FAM110B: variants seen among roughly 807,000 people sequenced by gnomAD.
FAM110B encodes family with sequence similarity 110 member B, also known as protein FAM110B.
FAM110B carries 6 observed loss-of-function variants against 20.4 expected under a neutral mutation model. The observed-to-expected ratio is 0.29, with a 90% CI of 0.16 to 0.58. FAM110B has a LOEUF of 0.58. FAM110B is among the 20% of genes least tolerant of loss of function. The pLI, the probability that FAM110B is intolerant of heterozygous loss-of-function variation, is 0.90. For missense variants in FAM110B, 434 were observed against 498.2 expected (o/e 0.87, Z 1.23); for synonymous variants, 226 against 214.1 (o/e 1.06, Z -0.49).
intron 3 of FAM110B, among the ~76,000 whole-genome samples, chr8:58,128,360 A>T (rs1807564685): frequency 6.6e-6 from 1 of 152,032 alleles, no homozygotes; most frequent in South Asian, 2.1e-4. Flanking sequence ...TTTCATCAGG[A>T]TTCTCACATC....
chr8:58,075,106 T>C (rs552459463), intron 2 of FAM110B, among the ~76,000 whole-genome samples: 30 of 152,054 alleles, frequency 2.0e-4, no homozygotes, highest in Admixed American at 2.0e-3. Context: ...TTGATCAGTT[T>C]CTATTTTTAT....
chr8:58,009,927 T>G (rs763551305), intron 1 of FAM110B, among the ~76,000 whole-genome samples: 1 of 152,190 alleles, frequency 6.6e-6, no homozygotes, highest in Non-Finnish European at 1.5e-5. Context: ...TATTTGGATT[T>G]CCGTAACTCA....
At chr8:58,131,477 C>T (rs1388650748) in intron 3 of FAM110B, among the ~76,000 whole-genome samples, 1 of 152,152 alleles carries the variant, frequency 6.6e-6, no homozygotes, top group Non-Finnish European at 1.5e-5. Context: ...GTTCTGCTTA[C>T]CAGCCTCTAA....
intron 3 of FAM110B, among the ~76,000 whole-genome samples, chr8:58,093,437 G>A (rs926261823): frequency 5.3e-5 from 8 of 152,140 alleles, no homozygotes; most frequent in Non-Finnish European, 2.9e-5. Flanking sequence ...AAGGTGTAAG[G>A]AAGGGGTCCA....
chr8:58,015,844 C>CA (rs11318984), intron 1 of FAM110B, among the ~76,000 whole-genome samples: 1,576 of 101,340 alleles, frequency 0.016, 32 homozygotes, highest in African/African-American at 0.044. Context: ...GACTTTGTCT[C>CA]AAAAAAAAAA....
intron 2 of FAM110B, among the ~76,000 whole-genome samples, chr8:58,057,102 C>T (rs973109976): frequency 1.3e-5 from 2 of 152,154 alleles, no homozygotes; most frequent in Non-Finnish European, 2.9e-5. Context: ...ACACCATGGC[C>T]GAGGGGTGAG....
chr8:58,127,146 G>T (rs376541345), intron 3 of FAM110B, among the ~76,000 whole-genome samples: 16 of 152,266 alleles, frequency 1.1e-4, no homozygotes, highest in African/African-American at 3.6e-4. Context: ...AGCACCATTT[G>T]TTGAAAAGTC....
intron 3 of FAM110B, among the ~76,000 whole-genome samples, chr8:58,079,173 T>C (rs1366852264): frequency 2.6e-5 from 4 of 152,080 alleles, no homozygotes; most frequent in Non-Finnish European, 4.4e-5. Flanking sequence ...TCTGAGGCCA[T>C]CTCAGCTGAC....
At chr8:58,142,907 A>G (rs905215592) in intron 3 of FAM110B, among the ~76,000 whole-genome samples, 1 of 152,202 alleles carries the variant, frequency 6.6e-6, no homozygotes, top group Admixed American at 6.5e-5. Flanking sequence ...CGGTTGGCCT[A>G]TCCCATCAGT....
At chr8:58,131,269 G>A in intron 3 of FAM110B, among the ~76,000 whole-genome samples, 1 of 151,926 alleles carries the variant, frequency 6.6e-6, no homozygotes, top group Non-Finnish European at 1.5e-5. Flanking sequence ...TTCCCAACAT[G>A]CTGCCTTTTT....
At chr8:58,077,845 A>G (rs73236490) in intron 3 of FAM110B, among the ~76,000 whole-genome samples, 7,825 of 152,292 alleles carry the variant, frequency 0.051, 287 homozygotes, top group South Asian at 0.11. Flanking sequence ...TTACCAACAC[A>G]GTGTCAGTTG....
intron 2 of FAM110B, among the ~76,000 whole-genome samples, chr8:58,062,004 T>C (rs1481611489): frequency 6.6e-6 from 1 of 152,254 alleles, no homozygotes; most frequent in Non-Finnish European, 1.5e-5. Context: ...GGATTCTTTC[T>C]CTTCAAATAA....
chr8:58,098,760 A>AAAAG (rs1806699537), intron 3 of FAM110B, among the ~76,000 whole-genome samples: 12 of 151,126 alleles, frequency 7.9e-5, no homozygotes, highest in African/African-American at 2.2e-4. Flanking sequence ...AGCCCCTCAC[A>AAAAG]GCTTCCCTTG....
At chr8:58,052,055 A>G (rs765822069) in intron 2 of FAM110B, among the ~76,000 whole-genome samples, 1 of 152,216 alleles carries the variant, frequency 6.6e-6, no homozygotes, top group Non-Finnish European at 1.5e-5. Flanking sequence ...TTTGGCTTTT[A>G]CTTCCTTTTC....
At chr8:58,135,706 A>G (rs1803594696) in intron 3 of FAM110B, among the ~76,000 whole-genome samples, 1 of 152,080 alleles carries the variant, frequency 6.6e-6, no homozygotes, top group Admixed American at 6.5e-5. Flanking sequence ...GGACCTTGGT[A>G]GAAGCACTGG....
At chr8:58,058,792 C>T (rs1805598642) in intron 2 of FAM110B, among the ~76,000 whole-genome samples, 1 of 151,932 alleles carries the variant, frequency 6.6e-6, no homozygotes, top group Non-Finnish European at 1.5e-5. Flanking sequence ...ATAGTAATAC[C>T]ATATTTGTAA....
At chr8:58,109,768 G>A (rs1018140796) in intron 3 of FAM110B, among the ~76,000 whole-genome samples, 4 of 152,196 alleles carry the variant, frequency 2.6e-5, no homozygotes, top group African/African-American at 9.6e-5. Flanking sequence ...AGGCTGTAGG[G>A]TGGCCAGAGC....
At chr8:58,076,618 G>T (rs1585865287) in intron 3 of FAM110B, among the ~76,000 whole-genome samples, 1 of 152,158 alleles carries the variant, frequency 6.6e-6, no homozygotes, top group African/African-American at 2.4e-5. Flanking sequence ...AGAATGGTGG[G>T]GTCAAAGTAC....
chr8:58,053,021 G>A (rs1476712639), intron 2 of FAM110B, among the ~76,000 whole-genome samples: 9 of 151,442 alleles, frequency 5.9e-5, no homozygotes, highest in Non-Finnish European at 8.8e-5. Context: ...TCCTGACCTC[G>A]TGATCCGCCC....
Sources: gnomAD v4.1 joint callset for allele counts (sites outside exome capture counted in the v4.1 genomes callset) on GRCh38, gnomAD v4.1.1 for gene constraint, MANE v1.5 for transcripts, NCBI Gene and HGNC (gene_info 2026-07-23, HGNC 2026-07-21) for gene names.